The following RGS6 variants were observed in gnomAD, a reference collection of about 807,000 sequenced individuals.
RGS6 encodes regulator of G-protein signaling 6.
In RGS6, 30 loss-of-function variants were observed where a neutral mutation model predicts 78.5. The ratio of observed to expected loss-of-function variants is 0.38; its 90% CI spans 0.29 to 0.52. The LOEUF (loss-of-function observed/expected upper bound fraction) is 0.52. Ranked by LOEUF, RGS6 falls within the 20% of genes least tolerant of loss-of-function variation. RGS6 has a pLI of 0.85. For missense variants in RGS6, 495 were observed against 609.7 expected (o/e 0.81, Z 1.98); for synonymous variants, 206 against 206.0 (o/e 1.00, Z 0.00).
At chr14:72,320,945 A>C (rs527941232) in intron 2 of RGS6, among the ~76,000 whole-genome samples, 59 of 149,964 alleles carry the variant, frequency 3.9e-4, no homozygotes, top group African/African-American at 1.3e-3. Flanking sequence ...TAAATATACT[A>C]AGTATATTTA....
the RGS6 span, among the ~76,000 whole-genome samples, chr14:71,922,452 C>T: frequency 1.3e-5 from 2 of 152,168 alleles, no homozygotes; most frequent in Non-Finnish European, 2.9e-5. Context: ...TTGTGTTAGT[C>T]TCTTGCTTAA....
intron 2 of RGS6, among the ~76,000 whole-genome samples, chr14:72,300,136 A>G (rs1287851744): frequency 6.6e-6 from 1 of 152,088 alleles, no homozygotes; most frequent in Non-Finnish European, 1.5e-5. Flanking sequence ...ATACCATGTG[A>G]ACTTGAAAAG....
intron 3 of RGS6, among the ~76,000 whole-genome samples, chr14:72,397,651 G>C (rs2091639647): frequency 6.6e-6 from 1 of 152,140 alleles, no homozygotes; most frequent in African/African-American, 2.4e-5. Flanking sequence ...AATGCTTCCA[G>C]TTTTTGTCCA....
chr14:72,470,400 C>A (rs2096041099), intron 8 of RGS6, among the ~76,000 whole-genome samples: 1 of 152,234 alleles, frequency 6.6e-6, no homozygotes, highest in South Asian at 2.1e-4. Flanking sequence ...AGGCTGAAAT[C>A]CCATTTTACC....
chr14:72,318,731 C>G (rs771269876), intron 2 of RGS6, among the ~76,000 whole-genome samples: 10 of 152,216 alleles, frequency 6.6e-5, no homozygotes, highest in East Asian at 3.9e-4. Context: ...CGCCAATAAG[C>G]CTTTGTTTGG....
At chr14:72,187,915 A>C (rs749401867) in intron 2 of RGS6, among the ~76,000 whole-genome samples, 22 of 152,144 alleles carry the variant, frequency 1.4e-4, no homozygotes, top group Non-Finnish European at 2.8e-4. Flanking sequence ...TTCCCCATGC[A>C]TGTTTCTAGT....
At chr14:72,115,099 TCA>T (rs1260154586) in intron 2 of RGS6, among the ~76,000 whole-genome samples, 3 of 152,176 alleles carry the variant, frequency 2.0e-5, no homozygotes, top group Admixed American at 6.5e-5. Context: ...CACTTGGATC[TCA>T]GTTATGTGGC....
intron 2 of RGS6, among the ~76,000 whole-genome samples, chr14:72,125,773 A>G (rs967399890): frequency 2.0e-5 from 3 of 152,180 alleles, no homozygotes; most frequent in Non-Finnish European, 2.9e-5. Flanking sequence ...CATTGTTAGC[A>G]TGATCTGAGG....
At chr14:72,266,211 C>A (rs536626756) in intron 2 of RGS6, among the ~76,000 whole-genome samples, 3 of 152,102 alleles carry the variant, frequency 2.0e-5, no homozygotes, top group Non-Finnish European at 4.4e-5. Context: ...ACATGCCTGG[C>A]GCCTTGGTGG....
At chr14:72,317,499 C>T (rs368011438) in intron 2 of RGS6, among the ~76,000 whole-genome samples, 3 of 152,184 alleles carry the variant, frequency 2.0e-5, no homozygotes, top group Admixed American at 6.5e-5. Flanking sequence ...TTTCCATTGT[C>T]GAAGGCCTTC....
chr14:72,104,855 GT>G (rs1160841364), intron 2 of RGS6, among the ~76,000 whole-genome samples: 3 of 152,180 alleles, frequency 2.0e-5, no homozygotes, highest in Non-Finnish European at 4.4e-5. Context: ...AGAATTCTGT[GT>G]TTTAAATAAG....
intron 12 of RGS6, among the ~76,000 whole-genome samples, chr14:72,487,580 G>A (rs2096512185): frequency 6.6e-6 from 1 of 152,154 alleles, no homozygotes; most frequent in Non-Finnish European, 1.5e-5. Flanking sequence ...CAGAAGAGTC[G>A]GTGTCAGAGT....
At chr14:72,336,766 G>A (rs1413701383) in intron 2 of RGS6, among the ~76,000 whole-genome samples, 3 of 152,064 alleles carry the variant, frequency 2.0e-5, no homozygotes, top group African/African-American at 7.2e-5. Context: ...CTGGAGACCA[G>A]AAGTCTACGA....
chr14:72,171,867 T>C (rs547191685), intron 2 of RGS6, among the ~76,000 whole-genome samples: 2 of 152,224 alleles, frequency 1.3e-5, no homozygotes, highest in East Asian at 1.9e-4. Context: ...TATACCACTT[T>C]GCTGAGGAGG....
At position 71,945,689 on chromosome 14, in the gene RGS6, T is replaced by C. The variant is rs76537188; in HGVS notation, c.-21+12748T>C. ...CAGAACAGCCATCCACGTGTGATGA[T>C]GAATGGCACCTGACCTTGGATCTCA... On this transcript the variant is annotated intron_variant, in intron 1 of 17. Transcript: ENST00000553525. 2.3e-3 allele frequency among the ~76,000 whole-genome samples: 349 copies of C among 152,324 alleles called. 4 individuals carry two copies. Among genetic ancestry groups the C allele is most frequent in the African/African-American group, 7.8e-3 (326 of 41,574 alleles).
intron 2 of RGS6, among the ~76,000 whole-genome samples, chr14:72,013,291 A>C (rs911891099): frequency 2.0e-5 from 3 of 151,006 alleles, no homozygotes; most frequent in Admixed American, 6.6e-5. Flanking sequence ...AAAAAAAAAA[A>C]AAACAACAAC....
At chr14:71,907,121 T>C in the RGS6 span, among the ~76,000 whole-genome samples, 239 of 152,332 alleles carry the variant, frequency 1.6e-3, no homozygotes, top group Non-Finnish European at 2.5e-3. Context: ...ATGTGGAGGA[T>C]ACAATGATGA....
chr14:72,165,363 C>T (rs538473751), intron 2 of RGS6, among the ~76,000 whole-genome samples: 6 of 152,324 alleles, frequency 3.9e-5, no homozygotes, highest in African/African-American at 1.4e-4. Context: ...GCAGTAGTTG[C>T]ATCATCATGA....
intron 2 of RGS6, among the ~76,000 whole-genome samples, chr14:72,268,070 A>G (rs2059349455): frequency 6.6e-6 from 1 of 152,154 alleles, no homozygotes; most frequent in South Asian, 2.1e-4. Context: ...TATTCTACAA[A>G]TGGTTTTTAA....
Sources: gnomAD v4.1 joint callset for allele counts (sites outside exome capture counted in the v4.1 genomes callset) on GRCh38, gnomAD v4.1.1 for gene constraint, MANE v1.5 for transcripts, NCBI Gene and HGNC (gene_info 2026-07-23, HGNC 2026-07-21) for gene names.